CA6: variants seen among roughly 807,000 people sequenced by gnomAD.
The protein encoded by CA6 is carbonate dehydratase VI.
Under a neutral mutation model 35.9 loss-of-function variants are expected in CA6, and 28 were observed. The observed-to-expected ratio is 0.78, with a 90% CI of 0.58 to 1.07. The LOEUF is 1.07. Among genes scored for constraint, CA6 ranks in the 50% least tolerant of loss-of-function variants. CA6 has a pLI of 0.00. For missense variants in CA6, 377 were observed against 382.0 expected, an observed-to-expected ratio of 0.99 and a Z score of 0.11; for synonymous variants, 148 against 152.6, an observed-to-expected ratio of 0.97 and a Z score of 0.22.
At chr1:8,949,474 C>T in intron 2 of CA6, 32 bp downstream of exon 2, 2 of 1,575,784 alleles carry the variant, frequency 1.3e-6, no homozygotes, top group Non-Finnish European at 1.7e-6. Context: ...GGGCTCCAGT[C>T]CATGGGCAGC....
intron 6 of CA6, among the ~76,000 whole-genome samples, chr1:8,969,086 C>T (rs182934554): frequency 2.0e-5 from 3 of 149,448 alleles, no homozygotes; most frequent in African/African-American, 2.5e-5. Flanking sequence ...GACGCCAAAG[C>T]GGGTGGATCA....
chr1:8,970,001 T>C (rs911651080), intron 6 of CA6, among the ~76,000 whole-genome samples: 2 of 151,896 alleles, frequency 1.3e-5, no homozygotes, highest in African/African-American at 4.8e-5. Flanking sequence ...CTGAGGAGTT[T>C]GAGACCAGCC....
chr1:8,949,137 C>A, intron 1 of CA6, 126 bp from the exon 2 acceptor site: 1 of 628,242 alleles, frequency 1.6e-6, no homozygotes, highest in Non-Finnish European at 2.6e-6. Context: ...CCTGCTTCTG[C>A]TTTCTGGAAG....
intron 6 of CA6, among the ~76,000 whole-genome samples, 165 bp from the exon 7 acceptor site, chr1:8,970,702 T>C (rs542261006): frequency 1.1e-4 from 17 of 152,216 alleles, no homozygotes; most frequent in African/African-American, 4.1e-4. Context: ...GGTTTCACCA[T>C]GTTGGCCAGG....
At chr1:8,974,397 C>T (rs1479841236) in intron 7 of CA6, 1 of 1,541,964 alleles carries the variant, frequency 6.5e-7, no homozygotes, top group Non-Finnish European at 8.7e-7. Flanking sequence ...AAGAGTACAG[C>T]CCACCTCAAC....
intron 4 of CA6, among the ~76,000 whole-genome samples, chr1:8,960,787 C>CAA (rs1491277382): frequency 3.2e-5 from 3 of 95,038 alleles, no homozygotes; most frequent in Non-Finnish European, 2.1e-5. Context: ...CACACACACA[C>CAA]ACATATATAT....
rs760302783 is a variant in CA6, at chr1:8,974,771, G to A, written c.*67G>A. On this transcript the variant is annotated 3_prime_UTR_variant, in exon 8 of 8. Transcript: ENST00000377443. The stretch of plus-strand genomic sequence containing the variant: ...CTGACCTAGCCAGAAGTGCCTGTCC[G>A]CTGCAGCCGCACCCTACCTTGTCTA... The A allele has an allele frequency of 1.7e-5, 15 of 863,808 alleles. No individual in the cohort carries two copies. Among genetic ancestry groups the A allele is most frequent in the African/African-American group, 1.2e-4 (7 of 57,250 alleles). 53.5% of individuals were successfully genotyped at this position (863,808 alleles called of 1,614,324 possible).
chr1:8,947,932 C>T (rs1034510586), intron 1 of CA6, among the ~76,000 whole-genome samples: 2 of 151,756 alleles, frequency 1.3e-5, no homozygotes, highest in African/African-American at 4.9e-5. Context: ...GCAACCTCTG[C>T]CTCCTGGGTT....
At chr1:8,967,897 C>T (rs1380278629) in intron 6 of CA6, 81 bp downstream of exon 6, 15 of 1,315,244 alleles carry the variant, frequency 1.1e-5, no homozygotes, top group South Asian at 9.2e-5. Context: ...TCTCAACGAA[C>T]GTCAACAACT....
chr1:8,964,006 C>T lies in CA6; in HGVS notation c.571+1350C>T, dbSNP rs908556125. Among the ~76,000 whole-genome samples, 8 of 152,334 alleles carry T rather than the reference C, an allele frequency of 5.3e-5. No homozygotes were observed. In the East Asian group the frequency reaches 5.8e-4, roughly 11 times the overall value. ...GCTCCAGCAATTCCCCTGGAGCTGA[C>T]GCTCCCACTCCCACTCCATTGAGAA... On this transcript the variant is annotated intron_variant, in intron 5 of 7. Transcript: ENST00000377443.
chr1:8,946,327 C>T (rs892694620), intron 1 of CA6, among the ~76,000 whole-genome samples: 2 of 151,978 alleles, frequency 1.3e-5, no homozygotes, highest in East Asian at 1.9e-4. Flanking sequence ...CCATTGCGCC[C>T]GGCCAAGAGT....
chr1:8,946,840 G>C (rs1639380400), intron 1 of CA6, among the ~76,000 whole-genome samples: 1 of 120,682 alleles, frequency 8.3e-6, no homozygotes, highest in Non-Finnish European at 1.6e-5. Context: ...GTCTTGCTCT[G>C]TTGCCCAGGC....
chr1:8,957,316 C>T (rs868515698), intron 3 of CA6, 31 bp downstream of exon 3: 1 of 1,573,380 alleles, frequency 6.4e-7, no homozygotes, highest in Non-Finnish European at 8.7e-7. Context: ...TGTCCTCTTT[C>T]CTTTGAACCC....
At chr1:8,962,205 G>A (rs1225207884) in intron 4 of CA6, among the ~76,000 whole-genome samples, 1 of 150,592 alleles carries the variant, frequency 6.6e-6, no homozygotes, top group African/African-American at 2.5e-5. Flanking sequence ...TTATGCCACT[G>A]CACTCCAGCC....
At chr1:8,956,820 C>G (rs937033072) in intron 2 of CA6, among the ~76,000 whole-genome samples, 1 of 152,214 alleles carries the variant, frequency 6.6e-6, no homozygotes. Flanking sequence ...TTCCCTGGGG[C>G]CAGCAAGCTG....
At position 8,963,128 on chromosome 1, in the gene CA6, G is replaced by A. The variant is rs1000271047; in HGVS notation, c.571+472G>A. On this transcript the variant is annotated intron_variant, in intron 5 of 7. Transcript: ENST00000377443. The surrounding 1 kb of genome is among the most constrained non-coding windows in gnomAD (Gnocchi z 4.1). ...CTTGTAAGAGCCATTTCCCACCCAG[G>A]GTCAACCCTTGACTTTTGAGCTATA... 2.0e-5 allele frequency among the ~76,000 whole-genome samples: 3 copies of A among 152,042 alleles called. No individual in the cohort carries two copies. The highest frequency in any genetic ancestry group is 7.2e-5 in the African/African-American group (3 of 41,398).
intron 1 of CA6, among the ~76,000 whole-genome samples, chr1:8,948,947 G>T (rs1639442925): frequency 6.7e-6 from 1 of 148,378 alleles, no homozygotes; most frequent in African/African-American, 2.5e-5. Flanking sequence ...TCCAACCTGG[G>T]TGACACAGCG....
In CA6 at chr1:8,969,338, A is replaced by G. The variant is rs144056902; in HGVS notation, c.729+1522A>G. The stretch of plus-strand genomic sequence containing the variant: ...TCAAAAAAACAAAAACAAAAACCCA[A>G]TGAATGGGTTTAACGCATGTTAGAT... On this transcript the variant is annotated intron_variant, in intron 6 of 7. Coordinates refer to ENST00000377443, the MANE Select transcript of CA6 (RefSeq NM_001215.4). Among the ~76,000 whole-genome samples, 559 of 152,148 alleles carry G rather than the reference A, an allele frequency of 3.7e-3. 5 individuals carry two copies. Among genetic ancestry groups the G allele is most frequent in the African/African-American group, 0.013 (528 of 41,530 alleles).
intron 2 of CA6, 45 bp downstream of exon 2, chr1:8,949,487 G>T (rs904811539): frequency 1.8e-5 from 27 of 1,502,944 alleles, no homozygotes; most frequent in Non-Finnish European, 2.4e-5. Flanking sequence ...TGGGCAGCCT[G>T]CAGGGGAAGG....
Sources: gnomAD v4.1 joint callset for allele counts (sites outside exome capture counted in the v4.1 genomes callset) on GRCh38, gnomAD v4.1.1 for gene constraint, Gnocchi (gnomAD v3.1) non-coding constraint, MANE v1.5 for transcripts, NCBI Gene and HGNC (gene_info 2026-07-23, HGNC 2026-07-21) for gene names.